DDIT3: variants seen among roughly 807,000 people sequenced by gnomAD.
DDIT3 encodes DNA damage inducible transcript 3, also known as DNA damage-inducible transcript 3 protein.
DDIT3 carries 14 observed loss-of-function variants against 17.6 expected under a neutral mutation model. The ratio of observed to expected loss-of-function variants is 0.80; its 90% CI spans 0.53 to 1.25. DDIT3 has a LOEUF of 1.25. DDIT3 is among the 50% of genes most tolerant of loss of function. The pLI, the probability that DDIT3 is intolerant of heterozygous loss-of-function variation, is 0.00. For synonymous variants in DDIT3, 93 were observed against 76.5 expected (o/e 1.22, Z -1.13); for missense variants, 216 against 202.7 (o/e 1.07, Z -0.40).
intron 1 of DDIT3, among the ~76,000 whole-genome samples, chr12:57,519,600 C>A (rs1344764447): frequency 6.6e-6 from 1 of 152,198 alleles, no homozygotes; most frequent in Non-Finnish European, 1.5e-5. Flanking sequence ...CCTGGGGAAC[C>A]CTCCCTTGCC....
chr12:57,518,833 A>AT (rs1254563231), intron 1 of DDIT3, among the ~76,000 whole-genome samples: 3 of 151,864 alleles, frequency 2.0e-5, no homozygotes, highest in African/African-American at 7.3e-5. Flanking sequence ...TAATTTTTGT[A>AT]TTTTTAGTAA....
At position 57,516,737 on chromosome 12, in the gene DDIT3, A is replaced by G. The variant is rs1594839135; in HGVS notation, c.*72T>C. 1.3e-6 allele frequency: 2 copies of G among 1,564,122 alleles called. No homozygotes were observed. The highest frequency in any genetic ancestry group is 1.7e-6 in the Non-Finnish European group (2 of 1,156,684). On this transcript the variant is annotated 3_prime_UTR_variant, in exon 4 of 4. Transcript: ENST00000346473. The stretch of plus-strand genomic sequence containing the variant: ...GGGTCACATCATTGGCACTAGTGAG[A>G]GGGTAGTCAGTAGCCACTTCTGGGA...
chr12:57,519,899 G>T (rs1039725802), intron 1 of DDIT3, among the ~76,000 whole-genome samples: 4 of 152,214 alleles, frequency 2.6e-5, no homozygotes, highest in Non-Finnish European at 5.9e-5. Context: ...CCTCCCAAAG[G>T]CTTGTGTCTC....
At position 57,516,804 on chromosome 12, in the gene DDIT3, A is replaced by G. The variant is rs745766747; in HGVS notation, c.*5T>C. The G allele has an allele frequency of 2.2e-5, 35 of 1,608,014 alleles. No individual in the cohort carries two copies. In the East Asian group the frequency reaches 6.0e-4, roughly 28 times the overall value. On this transcript the variant is annotated 3_prime_UTR_variant, in exon 4 of 4. Coordinates refer to ENST00000346473, the MANE Select transcript of DDIT3 (RefSeq NM_004083.6). The stretch of plus-strand genomic sequence containing the variant: ...CCCAAGTGGGGGACTGATGCTCCCA[A>G]TTGTTCATGCTTGGTGCAGATTCAC...
intron 1 of DDIT3, among the ~76,000 whole-genome samples, chr12:57,520,026 G>A (rs898412555): frequency 7.2e-5 from 11 of 152,254 alleles, no homozygotes; most frequent in Admixed American, 4.6e-4. Context: ...GAGAAGGCCC[G>A]CTGGTGGCGA....
Position 57,516,946 on chromosome 12 carries a change from G to C in DDIT3, c.373C>G (p.Gln125Glu), listed in dbSNP as rs1877895257. The C allele has an allele frequency of 1.2e-6, 2 of 1,613,982 alleles. No individual in the cohort carries two copies. The highest frequency in any genetic ancestry group is 1.7e-6 in the Non-Finnish European group (2 of 1,180,028). ...TGTGCCACTTTCCTTTCATTCTCCTGTTCTTTCTCCTTCATGCGCTGCTTT... is the reference window on the plus strand; with the variant it reads ...TGTGCCACTTTCCTTTCATTCTCCTCTTCTTTCTCCTTCATGCGCTGCTTT... ...AGKQRMKEKE[Q>E]ENERKVAQLA... The change falls in exon 4 of 4, where the codon CAG (glutamine) becomes GAG (glutamate). Residue 125 changes from glutamine (Q) to glutamate (E), a missense_variant. Coordinates refer to ENST00000346473, the MANE Select transcript of DDIT3 (RefSeq NM_004083.6).
Position 57,516,864 on chromosome 12 carries a change from A to C in DDIT3, c.455T>G (p.Val152Gly). 1 of 1,613,436 alleles carries C rather than the reference A, an allele frequency of 6.2e-7. No individual in the cohort carries two copies. Among genetic ancestry groups the C allele is most frequent in the Non-Finnish European group, 8.5e-7 (1 of 1,180,006 alleles). Residue 152 changes from valine (V) to glycine (G), a missense_variant, in exon 4 of 4, where the codon GTA (valine) becomes GGA (glycine). Transcript: ENST00000346473. Reference sequence around the variant, plus strand: ...AATCAGAGCTCGGCGAGTCGCCTCTACTTCCCTGGTCAGGCGCTCGATTTC... The same window carrying C: ...AATCAGAGCTCGGCGAGTCGCCTCTCCTTCCCTGGTCAGGCGCTCGATTTC... Reference protein sequence around the residue: ...KQEIERLTREVEATRRALIDR... With the variant: ...KQEIERLTREGEATRRALIDR...
rs1877925930 is a variant in DDIT3 at position 57,517,175 on chromosome 12, T to G, written c.144A>C (p.Glu48Asp). 2 of 1,606,990 alleles carry G rather than the reference T, an allele frequency of 1.2e-6. No homozygotes were observed. Among genetic ancestry groups the G allele is most frequent in the African/African-American group, 2.7e-5 (2 of 74,572 alleles). The change falls in exon 4 of 4, where the codon GAA (glutamate) becomes GAC (aspartate). Residue 48 changes from glutamate to aspartate, a missense_variant. Glu to Asp is a conservative substitution (Grantham distance 45). Transcript: ENST00000346473. ...YVSPPGNEEE[E>D]SKIFTTLDPA... ...GGTCAAGAGTGGTGAAGATTTTTGA[T>G]TCTTCCTTCAAGGAAATGAGGAAAG... is the stretch of plus-strand genomic sequence containing the variant.
chr12:57,517,621 C>T (rs1877968595), intron 2 of DDIT3, 85 bp downstream of exon 2: 4 of 655,922 alleles, frequency 6.1e-6, no homozygotes, highest in East Asian at 2.7e-5. Context: ...TGAAGAGTCA[C>T]GCTAGAGACT....
chr12:57,518,272 A>G (rs529611821), intron 1 of DDIT3, among the ~76,000 whole-genome samples: 25 of 152,296 alleles, frequency 1.6e-4, no homozygotes, highest in African/African-American at 6.0e-4. Flanking sequence ...CTGGTTACAT[A>G]ATAGTAAAGT....
In DDIT3 at chr12:57,516,740, G is replaced by A; in HGVS notation, c.*69C>T. On this transcript the variant is annotated 3_prime_UTR_variant, in exon 4 of 4. Coordinates refer to ENST00000346473, the MANE Select transcript of DDIT3 (RefSeq NM_004083.6). ...TCACATCATTGGCACTAGTGAGAGG[G>A]TAGTCAGTAGCCACTTCTGGGAAAG... 5 of 1,568,224 alleles carry A rather than the reference G, an allele frequency of 3.2e-6. No individual in the cohort carries two copies. Among genetic ancestry groups the A allele is most frequent in the Non-Finnish European group, 2.6e-6 (3 of 1,158,476 alleles).
chr12:57,519,370 C>T (rs1294775017), intron 1 of DDIT3: 2 of 372,442 alleles, frequency 5.4e-6, no homozygotes, highest in Admixed American at 3.4e-5. Flanking sequence ...TACTGTAGGC[C>T]TCCCACTGAG....
In DDIT3 at chr12:57,517,126, C is replaced by A. The variant is rs1168062661; in HGVS notation, c.193G>T (p.Glu65Ter). ...LDPASLAWLT[E>*]EEPEPAEVTS... Reference sequence around the variant, plus strand: ...ACCTCTGCTGGTTCTGGCTCCTCCTCAGTCAGCCAAGCCAGAGAAGCAGGG... The same window carrying A: ...ACCTCTGCTGGTTCTGGCTCCTCCTAAGTCAGCCAAGCCAGAGAAGCAGGG... Residue 65 changes from glutamate (E) to a stop codon, truncating the protein, a stop_gained, in exon 4 of 4, where the codon GAG becomes TAG. Transcript: ENST00000346473. LOFTEE classifies it high-confidence loss of function. The A allele has an allele frequency of 6.2e-7, 1 of 1,612,860 alleles. No individual in the cohort carries two copies. Among genetic ancestry groups the A allele is most frequent in the Non-Finnish European group, 8.5e-7 (1 of 1,179,226 alleles).
intron 1 of DDIT3, among the ~76,000 whole-genome samples, chr12:57,518,207 G>C (rs564611970): frequency 6.6e-6 from 1 of 151,946 alleles, no homozygotes; most frequent in Admixed American, 6.6e-5. Flanking sequence ...TAGCCATTTC[G>C]AAGGGCAGAA....
In DDIT3 at chr12:57,516,614, G is replaced by A; in HGVS notation, c.*195C>T. The A allele has an allele frequency of 6.5e-7, 1 of 1,547,776 alleles. No homozygotes were observed. The highest frequency in any genetic ancestry group is 1.3e-5 in the South Asian group (1 of 79,274). On this transcript the variant is annotated 3_prime_UTR_variant, in exon 4 of 4. Coordinates refer to ENST00000346473, the MANE Select transcript of DDIT3 (RefSeq NM_004083.6). ...TGGCTCATAGAAAGTCACTTTAATA[G>A]ATAGGGACAGTAATAAATAAATGTA... is the stretch of plus-strand genomic sequence containing the variant.
chr12:57,519,736 A>G (rs369631911), intron 1 of DDIT3, among the ~76,000 whole-genome samples: 2 of 152,248 alleles, frequency 1.3e-5, no homozygotes, highest in South Asian at 4.1e-4. Flanking sequence ...ACCGGGTTAA[A>G]GAGGCAGGGA....
intron 1 of DDIT3, among the ~76,000 whole-genome samples, chr12:57,519,833 G>A (rs1357329882): frequency 6.6e-6 from 1 of 152,186 alleles, no homozygotes; most frequent in African/African-American, 2.4e-5. Context: ...TTGTGCAGGA[G>A]GCCCAGAGAC....
At chr12:57,519,826 T>G (rs986050068) in intron 1 of DDIT3, among the ~76,000 whole-genome samples, 3 of 152,218 alleles carry the variant, frequency 2.0e-5, no homozygotes, top group African/African-American at 7.2e-5. Context: ...TGCTCTCTTG[T>G]GCAGGAGGCC....
chr12:57,517,210 A>G (rs990236233), intron 3 of DDIT3, 30 bp from the exon 4 acceptor site: 2 of 1,610,602 alleles, frequency 1.2e-6, no homozygotes, highest in Admixed American at 3.3e-5. Context: ...GGGAACATAG[A>G]TATTAGTTGA....
Sources: gnomAD v4.1 joint callset for allele counts (sites outside exome capture counted in the v4.1 genomes callset) on GRCh38, gnomAD v4.1.1 for gene constraint, MANE v1.5 for transcripts, NCBI Gene and HGNC (gene_info 2026-07-23, HGNC 2026-07-21) for gene names.